Variants in FOXP1 observed in about 807,000 individuals in gnomAD.
The protein encoded by FOXP1 is forkhead box protein P1.
Under a neutral mutation model 98.2 loss-of-function variants are expected in FOXP1, and 15 were observed. The ratio of observed to expected loss-of-function variants is 0.15; its 90% confidence interval spans 0.10 to 0.24. The LOEUF is 0.24. Ranked by LOEUF, FOXP1 falls within the 10% of genes least tolerant of loss-of-function variation. FOXP1 has a pLI of 1.00. For missense variants in FOXP1, 633 were observed against 848.5 expected (o/e 0.75, Z 3.15); for synonymous variants, 371 against 314.5 (o/e 1.18, Z -1.90).
chr3:71,261,880 T>C (rs1475300841), intron 5 of FOXP1, among the ~76,000 whole-genome samples: 1 of 152,166 alleles, frequency 6.6e-6, no homozygotes, highest in Non-Finnish European at 1.5e-5. Flanking sequence ...CACAAGTTAC[T>C]TGGAAATATA....
intron 2 of FOXP1, among the ~76,000 whole-genome samples, chr3:71,531,101 T>C (rs1242782515): frequency 1.3e-5 from 2 of 152,350 alleles, no homozygotes; most frequent in East Asian, 3.8e-4. Context: ...AAACCTTTGT[T>C]CCTTATTTCC....
chr3:71,228,453 TG>T (rs2066013792), intron 5 of FOXP1, among the ~76,000 whole-genome samples: 1 of 152,182 alleles, frequency 6.6e-6, no homozygotes, highest in African/African-American at 2.4e-5. Context: ...GGACCTTGTA[TG>T]GATCTCATAG....
At chr3:71,046,834 T>C (rs558222097) in intron 10 of FOXP1, 108 bp downstream of exon 10, 12 of 1,268,632 alleles carry the variant, frequency 9.5e-6, no homozygotes, top group South Asian at 3.6e-5. Flanking sequence ...AAAGAATCTA[T>C]GTGCATGTTT....
intron 2 of FOXP1, among the ~76,000 whole-genome samples, chr3:71,559,953 A>T (rs1014717852): frequency 6.6e-6 from 1 of 152,200 alleles, no homozygotes; most frequent in Non-Finnish European, 1.5e-5. Context: ...GGAAATGCTT[A>T]CATGGCAGAA....
At chr3:71,037,948 G>A (rs764613388) in intron 11 of FOXP1, among the ~76,000 whole-genome samples, 18 of 152,140 alleles carry the variant, frequency 1.2e-4, no homozygotes, top group Non-Finnish European at 2.6e-4. Context: ...TACACTCAAG[G>A]GTTTACCCTG....
At chr3:70,970,847 G>T in intron 18 of FOXP1, 42 bp from the exon 19 acceptor site, 1 of 1,455,422 alleles carries the variant, frequency 6.9e-7, no homozygotes, top group Non-Finnish European at 9.7e-7. Context: ...AAACACAGTC[G>T]ACTGCTGAGT....
intron 3 of FOXP1, among the ~76,000 whole-genome samples, chr3:71,377,403 C>T (rs756026779): frequency 1.1e-4 from 16 of 152,034 alleles, no homozygotes; most frequent in Non-Finnish European, 2.4e-4. Flanking sequence ...TTTGATGTGC[C>T]ATGTGCTACA....
intron 3 of FOXP1, among the ~76,000 whole-genome samples, chr3:71,390,766 A>C (rs2080970802): frequency 6.6e-6 from 1 of 152,216 alleles, no homozygotes; most frequent in South Asian, 2.1e-4. Context: ...TAAATAAGAA[A>C]GATTTTAAAA....
At chr3:71,220,909 T>C (rs1255630517) in intron 5 of FOXP1, among the ~76,000 whole-genome samples, 3 of 131,382 alleles carry the variant, frequency 2.3e-5, no homozygotes, top group African/African-American at 8.7e-5. Context: ...GTGAGGTACA[T>C]ATTAATCCTC....
At chr3:71,526,148 A>T (rs2043363402) in intron 2 of FOXP1, among the ~76,000 whole-genome samples, 1 of 151,954 alleles carries the variant, frequency 6.6e-6, no homozygotes. Context: ...AAACAAACAA[A>T]CAAACAAACA....
chr3:71,429,964 A>C (rs1471846137), intron 3 of FOXP1, among the ~76,000 whole-genome samples: 1 of 152,218 alleles, frequency 6.6e-6, no homozygotes, highest in African/African-American at 2.4e-5. Flanking sequence ...AAATCTTTCC[A>C]AGCTACTTCT....
chr3:71,114,294 G>A (rs2058187425), intron 6 of FOXP1, among the ~76,000 whole-genome samples: 1 of 152,148 alleles, frequency 6.6e-6, no homozygotes, highest in Non-Finnish European at 1.5e-5. Flanking sequence ...GAGGTAAGGG[G>A]GCCTGCGTGT....
intron 11 of FOXP1, chr3:71,040,465 A>G (rs2048189486): frequency 6.6e-6 from 1 of 152,154 alleles, no homozygotes; most frequent in African/African-American, 2.4e-5. Flanking sequence ...TTTTAGGGGC[A>G]TTGTATTTTC....
intron 7 of FOXP1, chr3:71,064,768 C>T: frequency 1.0e-6 from 1 of 984,074 alleles, no homozygotes; most frequent in Non-Finnish European, 1.2e-6. Context: ...GAAGCGGGCG[C>T]CGCGGAGCCG....
chr3:71,036,280 T>A (rs962514534), intron 11 of FOXP1, among the ~76,000 whole-genome samples: 25 of 152,304 alleles, frequency 1.6e-4, no homozygotes, highest in African/African-American at 5.5e-4. Context: ...AGGCAAGGAC[T>A]ATCGTGACTG....
At chr3:71,573,069 G>C (rs991428263) in intron 2 of FOXP1, among the ~76,000 whole-genome samples, 1 of 152,064 alleles carries the variant, frequency 6.6e-6, no homozygotes, top group African/African-American at 2.4e-5. Flanking sequence ...AAGTTCTTAG[G>C]ATTACCTTAT....
At chr3:71,499,578 G>C (rs533244273) in intron 2 of FOXP1, among the ~76,000 whole-genome samples, 20 of 152,216 alleles carry the variant, frequency 1.3e-4, no homozygotes, top group Non-Finnish European at 2.2e-4. Context: ...CCACCTCATG[G>C]AGTTTGCATG....
Position 70,993,748 on chromosome 3 carries a change from A to G in FOXP1, c.1063-5671T>C, listed in dbSNP as rs202229305. On this transcript the variant is annotated intron_variant, in intron 13 of 20. Coordinates refer to ENST00000649528, the MANE Select transcript of FOXP1 (RefSeq NM_001349338.3). ...GGGCACACTGGCCTGTAATCCCAGC[A>G]CTCTGGGAGGCCGAGGCAGGCGGAT... Among the ~76,000 whole-genome samples, 32 of 152,194 alleles carry G rather than the reference A, an allele frequency of 2.1e-4. 1 individual carries two copies. In the East Asian group the frequency reaches 6.0e-3, roughly 29 times the overall value.
Position 71,344,326 on chromosome 3 carries a change from A to G in FOXP1, c.-73+14824T>C, listed in dbSNP as rs141519036. Among the ~76,000 whole-genome samples the G allele has an allele frequency of 1.5e-3, 234 of 152,262 alleles. 2 individuals carry two copies. Among genetic ancestry groups the G allele is most frequent in the African/African-American group, 5.5e-3 (227 of 41,560 alleles). On this transcript the variant is annotated intron_variant, in intron 4 of 20. Transcript: ENST00000649528. Reference sequence around the variant, plus strand: ...GGAATTTTTTTCTATCTTTTTTTCTATTCTTCTGTCGTTTTGCAAATTAGC... The same window carrying G: ...GGAATTTTTTTCTATCTTTTTTTCTGTTCTTCTGTCGTTTTGCAAATTAGC...
Sources: allele counts gnomAD v4.1 joint callset (sites outside exome capture counted in the v4.1 genomes callset), GRCh38; gene constraint gnomAD v4.1.1; transcripts MANE v1.5; gene names NCBI Gene and HGNC (gene_info 2026-07-23, HGNC 2026-07-21).